The following NUMB variants were observed in gnomAD, a reference collection of about 807,000 sequenced individuals.
NUMB encodes protein numb homolog.
Under a neutral mutation model 59.7 loss-of-function variants are expected in NUMB, and 29 were observed. The observed-to-expected ratio is 0.49, with a 90% CI of 0.36 to 0.66. NUMB has a LOEUF of 0.66. NUMB is among the 30% of genes least tolerant of loss of function. NUMB has a pLI of 0.00. For synonymous variants in NUMB, 288 were observed against 288.2 expected (o/e 1.00, Z 0.01); for missense variants, 723 against 822.0 (o/e 0.88, Z 1.47).
intron 9 of NUMB, chr14:73,284,583 A>G (rs1888857312): frequency 2.2e-6 from 1 of 451,626 alleles, no homozygotes; most frequent in African/African-American, 2.0e-5. Context: ...CATATCTACT[A>G]AGACAGAAAT....
intron 1 of NUMB, among the ~76,000 whole-genome samples, chr14:73,442,292 G>C (rs1278267270): frequency 6.6e-6 from 1 of 151,720 alleles, no homozygotes; most frequent in East Asian, 1.9e-4. Context: ...ACCATCTCTT[G>C]ATCCTGGGAG....
intron 4 of NUMB, among the ~76,000 whole-genome samples, chr14:73,344,126 T>C (rs368137207): frequency 1.2e-4 from 19 of 152,340 alleles, no homozygotes; most frequent in African/African-American, 3.1e-4. Context: ...TCAAGTTTAT[T>C]TGTATAATAA....
At chr14:73,333,312 G>C (rs1892096466) in intron 4 of NUMB, among the ~76,000 whole-genome samples, 1 of 152,164 alleles carries the variant, frequency 6.6e-6, no homozygotes, top group Non-Finnish European at 1.5e-5. Context: ...TTGTGGCTTT[G>C]ATTTGCATTT....
At chr14:73,456,426 T>C (rs1048982802) in intron 1 of NUMB, among the ~76,000 whole-genome samples, 1 of 152,196 alleles carries the variant, frequency 6.6e-6, no homozygotes. Flanking sequence ...CTTTTTTAAC[T>C]GTAAGAAATA....
chr14:73,366,257 C>A (rs1894339427), intron 3 of NUMB, among the ~76,000 whole-genome samples: 1 of 152,118 alleles, frequency 6.6e-6, no homozygotes, highest in Non-Finnish European at 1.5e-5. Flanking sequence ...GCCCAATTTG[C>A]TTTACAATAG....
chr14:73,352,528 A>T (rs55908003), intron 4 of NUMB, among the ~76,000 whole-genome samples: 1,255 of 11,630 alleles, frequency 0.11, 216 homozygotes, highest in Non-Finnish European at 0.14. Context: ...ATATATATAT[A>T]TGTTTTTTTT....
At chr14:73,389,261 ACT>A (rs1895707391) in intron 2 of NUMB, among the ~76,000 whole-genome samples, 1 of 119,968 alleles carries the variant, frequency 8.3e-6, no homozygotes, top group Non-Finnish European at 1.6e-5. Context: ...ACAGAGCGAG[ACT>A]CCATCTCTCA....
chr14:73,343,186 C>T (rs1594927566), intron 4 of NUMB, among the ~76,000 whole-genome samples: 1 of 151,970 alleles, frequency 6.6e-6, no homozygotes, highest in Non-Finnish European at 1.5e-5. Context: ...TATTACAGAG[C>T]CACTGAAGAA....
At chr14:73,401,956 G>A (rs1896438691) in intron 2 of NUMB, among the ~76,000 whole-genome samples, 1 of 152,118 alleles carries the variant, frequency 6.6e-6, no homozygotes, top group Admixed American at 6.6e-5. Context: ...CAAACTGCTG[G>A]GCTCAAGCAA....
rs571897062 is a variant in NUMB at position 73,443,865 on chromosome 14, C to T, written c.-233+14628G>A. Among the ~76,000 whole-genome samples, 4 of 151,820 alleles carry T rather than the reference C, an allele frequency of 2.6e-5. No homozygotes were observed. In the South Asian group the frequency reaches 8.3e-4, roughly 32 times the overall value. On this transcript the variant is annotated intron_variant, in intron 1 of 12. Coordinates refer to ENST00000555238, the MANE Select transcript of NUMB (RefSeq NM_001005743.2). ...ACAGGGTTTCACTGTGTTGCCCTCT[C>T]GAACTCCTGAGCTCAAGCAATCTGC...
intron 1 of NUMB, among the ~76,000 whole-genome samples, chr14:73,435,188 C>A (rs1036348621): frequency 6.6e-6 from 1 of 151,712 alleles, no homozygotes; most frequent in African/African-American, 2.4e-5. Flanking sequence ...GGATGTGGAG[C>A]AACTGAACTT....
chr14:73,393,638 T>C (rs1237345410), intron 2 of NUMB, among the ~76,000 whole-genome samples: 1 of 152,210 alleles, frequency 6.6e-6, no homozygotes, highest in Non-Finnish European at 1.5e-5. Flanking sequence ...CAATGCATCA[T>C]CAAAAAACAC....
intron 4 of NUMB, among the ~76,000 whole-genome samples, chr14:73,334,038 G>A (rs1355399013): frequency 1.3e-5 from 2 of 149,540 alleles, no homozygotes. Context: ...CTAATTTTTG[G>A]GGGTTTTTTG....
chr14:73,400,483 A>G (rs1439162756), intron 2 of NUMB, among the ~76,000 whole-genome samples: 1 of 152,218 alleles, frequency 6.6e-6, no homozygotes, highest in Non-Finnish European at 1.5e-5. Flanking sequence ...GAAACATATA[A>G]TTGGTCTTCT....
At chr14:73,426,832 G>A (rs1250751217) in intron 1 of NUMB, among the ~76,000 whole-genome samples, 1 of 151,978 alleles carries the variant, frequency 6.6e-6, no homozygotes, top group Non-Finnish European at 1.5e-5. Flanking sequence ...GGGGGACAGA[G>A]CGAGACTCCA....
At chr14:73,453,195 T>C (rs1884108687) in intron 1 of NUMB, among the ~76,000 whole-genome samples, 1 of 152,200 alleles carries the variant, frequency 6.6e-6, no homozygotes, top group African/African-American at 2.4e-5. Context: ...TACAATGGCG[T>C]GCTATTGGCT....
chr14:73,289,153 C>CT (rs1292967455), intron 8 of NUMB, among the ~76,000 whole-genome samples: 4 of 134,962 alleles, frequency 3.0e-5, no homozygotes, highest in African/African-American at 1.4e-4. Flanking sequence ...CCCCCATACC[C>CT]TTCCTATCTT....
chr14:73,383,001 C>G (rs1404884219), intron 2 of NUMB, among the ~76,000 whole-genome samples: 1 of 152,164 alleles, frequency 6.6e-6, no homozygotes, highest in Non-Finnish European at 1.5e-5. Context: ...CAAAAATCAG[C>G]TAGGCGTGGT....
chr14:73,347,484 G>A (rs1204373732), intron 4 of NUMB, among the ~76,000 whole-genome samples: 2 of 151,960 alleles, frequency 1.3e-5, no homozygotes, highest in African/African-American at 4.8e-5. Flanking sequence ...AACATTTTCA[G>A]ACAAGCTTGA....
Sources: allele counts gnomAD v4.1 joint callset (sites outside exome capture counted in the v4.1 genomes callset), GRCh38; gene constraint gnomAD v4.1.1; transcripts MANE v1.5; gene names NCBI Gene and HGNC (gene_info 2026-07-23, HGNC 2026-07-21).